MARCHF1: variants seen among roughly 807,000 people sequenced by gnomAD.
MARCHF1 encodes the protein membrane associated ring-CH-type finger 1.
A neutral mutation model predicts 54.2 loss-of-function variants in MARCHF1; 40 were observed. The ratio of observed to expected loss-of-function variants is 0.74; its 90% CI spans 0.57 to 0.96. The LOEUF is 0.96. Ranked by LOEUF, MARCHF1 falls within the 40% of genes least tolerant of loss-of-function variation. The pLI is 0.00. For missense variants in MARCHF1, 586 were observed against 656.5 expected, an observed-to-expected ratio of 0.89 and a Z score of 1.17; for synonymous variants, 236 against 236.3, an observed-to-expected ratio of 1.00 and a Z score of 0.01.
At chr4:164,325,778 T>G (rs58444664) in intron 1 of MARCHF1, among the ~76,000 whole-genome samples, 1 of 151,814 alleles carries the variant, frequency 6.6e-6, no homozygotes, top group Non-Finnish European at 1.5e-5. Context: ...AAAACCTAAA[T>G]TGTATAGAAA....
At chr4:163,568,970 C>T (rs1164265524) in intron 8 of MARCHF1, among the ~76,000 whole-genome samples, 1 of 152,132 alleles carries the variant, frequency 6.6e-6, no homozygotes, top group East Asian at 1.9e-4. Context: ...CTGTCTGTAG[C>T]AGTTGGGGCC....
intron 1 of MARCHF1, among the ~76,000 whole-genome samples, chr4:164,225,449 G>A (rs893889420): frequency 6.6e-6 from 1 of 152,004 alleles, no homozygotes; most frequent in Non-Finnish European, 1.5e-5. Flanking sequence ...GGGGGATGGG[G>A]TTGAGGGGAG....
intron 2 of MARCHF1, among the ~76,000 whole-genome samples, chr4:164,014,267 G>A (rs1753490738): frequency 6.6e-6 from 1 of 151,796 alleles, no homozygotes; most frequent in Admixed American, 6.6e-5. Flanking sequence ...AAGTGTAGAG[G>A]TTTTTAGTTT....
At chr4:164,337,619 T>C (rs1292976662) in intron 1 of MARCHF1, among the ~76,000 whole-genome samples, 4 of 152,360 alleles carry the variant, frequency 2.6e-5, no homozygotes, top group African/African-American at 9.6e-5. Context: ...TTGGGATATC[T>C]GGCATGTGTA....
chr4:164,007,384 A>G (rs1484782026), intron 2 of MARCHF1, among the ~76,000 whole-genome samples: 3 of 150,962 alleles, frequency 2.0e-5, no homozygotes, highest in African/African-American at 7.3e-5. Context: ...AAGAAAAAAA[A>G]AGCAAACTTT....
Position 163,613,129 on chromosome 4 carries a change from T to G in MARCHF1, c.243-91A>C. 4 of 1,297,842 alleles carry G rather than the reference T, an allele frequency of 3.1e-6. No individual in the cohort carries two copies. In the East Asian group the frequency reaches 1.0e-4, roughly 33 times the overall value. The allele number at this position is 1,297,842 out of a possible 1,614,324, so 80.4% of individuals were successfully genotyped here. ...AGAGAGAATGATGAAAATGACAGCA[T>G]GGACCAGAAGTAGATAAATAAAGAT... On this transcript the variant is annotated intron_variant, in intron 6 of 9. Transcript: ENST00000514618.
rs547931424 is a variant in MARCHF1, at chr4:164,242,034, G to A, written c.-322-130372C>T. 5.9e-5 allele frequency among the ~76,000 whole-genome samples: 9 copies of A among 152,334 alleles called. No homozygotes were observed. The South Asian group carries it at 8.3e-4, about 14-fold the overall frequency. ...GCAGTCTGAGATCAAACTGCAAGGC[G>A]GCAGCGAGGCAGGGGGAGGGGCGCC... On this transcript the variant is annotated intron_variant, in intron 1 of 9. Coordinates refer to ENST00000514618, the MANE Select transcript of MARCHF1 (RefSeq NM_001394959.1).
intron 4 of MARCHF1, among the ~76,000 whole-genome samples, chr4:163,841,833 G>T (rs1749348966): frequency 1.3e-5 from 2 of 152,124 alleles, no homozygotes; most frequent in Admixed American, 1.3e-4. Context: ...TAACTGGATT[G>T]TTAAATTTTA....
chr4:164,007,767 A>G (rs1753329798), intron 2 of MARCHF1, among the ~76,000 whole-genome samples: 1 of 151,994 alleles, frequency 6.6e-6, no homozygotes, highest in Non-Finnish European at 1.5e-5. Context: ...TGCTATATCT[A>G]TAGAATTATT....
At position 163,731,200 on chromosome 4, in the gene MARCHF1, T is replaced by C. The variant is rs117263371; in HGVS notation, c.112-30337A>G. Among the ~76,000 whole-genome samples, 19 of 152,318 alleles carry C rather than the reference T, an allele frequency of 1.2e-4. No homozygotes were observed. The East Asian group carries it at 2.9e-3, about 23-fold the overall frequency. On this transcript the variant is annotated intron_variant, in intron 4 of 9. Transcript: ENST00000514618. ...TTCTCTTCATAGTAGCTGGAATCAT[T>C]TTTAAAAAGTAATTCAGGCCACGGA...
At chr4:163,821,777 G>A (rs936259978) in intron 4 of MARCHF1, among the ~76,000 whole-genome samples, 3 of 125,738 alleles carry the variant, frequency 2.4e-5, no homozygotes, top group Non-Finnish European at 3.3e-5. Flanking sequence ...TATTGGCAAC[G>A]TCCTGGGAAA....
intron 2 of MARCHF1, among the ~76,000 whole-genome samples, chr4:164,035,158 A>G (rs1304499144): frequency 3.3e-5 from 5 of 152,144 alleles, no homozygotes; most frequent in Non-Finnish European, 2.9e-5. Flanking sequence ...TATTACTTGA[A>G]CACATAACAT....
chr4:163,554,818 A>G (rs569795570), intron 8 of MARCHF1, among the ~76,000 whole-genome samples: 1 of 152,346 alleles, frequency 6.6e-6, no homozygotes, highest in Non-Finnish European at 1.5e-5. Flanking sequence ...TTTTATGTTC[A>G]GTCAACTAAA....
chr4:163,655,120 G>A (rs1451101747), intron 5 of MARCHF1, among the ~76,000 whole-genome samples: 1 of 151,508 alleles, frequency 6.6e-6, no homozygotes, highest in Non-Finnish European at 1.5e-5. Context: ...GTCATTCACT[G>A]ATTTCTTGCT....
At chr4:163,696,583 T>C (rs1579203971) in intron 5 of MARCHF1, among the ~76,000 whole-genome samples, 1 of 152,194 alleles carries the variant, frequency 6.6e-6, no homozygotes, top group Admixed American at 6.5e-5. Context: ...ATTGAGATTG[T>C]ATGACCTTTA....
chr4:163,835,633 C>T (rs181425106), intron 4 of MARCHF1, among the ~76,000 whole-genome samples: 1 of 152,322 alleles, frequency 6.6e-6, no homozygotes, highest in Admixed American at 6.5e-5. Context: ...CACCATGTGG[C>T]CGTGCTGCAA....
chr4:164,082,316 C>A (rs1315751142), intron 2 of MARCHF1, among the ~76,000 whole-genome samples: 2 of 152,168 alleles, frequency 1.3e-5, no homozygotes, highest in African/African-American at 4.8e-5. Context: ...ACAGATGCTT[C>A]ATTTCTTAGT....
At chr4:164,099,685 C>T (rs1395268450) in intron 2 of MARCHF1, among the ~76,000 whole-genome samples, 2 of 151,812 alleles carry the variant, frequency 1.3e-5, no homozygotes, top group East Asian at 1.9e-4. Context: ...GTTAATTATG[C>T]GGGAAAAACA....
intron 5 of MARCHF1, among the ~76,000 whole-genome samples, chr4:163,631,408 GT>G (rs2110992749): frequency 6.6e-6 from 1 of 152,200 alleles, no homozygotes; most frequent in African/African-American, 2.4e-5. Flanking sequence ...GGCCAGGCTG[GT>G]CTTGAATTCC....
Sources: allele counts gnomAD v4.1 joint callset (sites outside exome capture counted in the v4.1 genomes callset), GRCh38; gene constraint gnomAD v4.1.1; transcripts MANE v1.5; gene names NCBI Gene and HGNC (gene_info 2026-07-23, HGNC 2026-07-21).